The following MPV17L variants were observed in gnomAD, a reference collection of about 807,000 sequenced individuals.
MPV17L encodes MPV17 mitochondrial inner membrane protein like, also known as mpv17-like protein.
MPV17L carries 24 observed loss-of-function variants against 25.8 expected under a neutral mutation model. The ratio of observed to expected loss-of-function variants is 0.93; its 90% CI spans 0.67 to 1.31. The LOEUF is 1.31. MPV17L is among the 50% of genes most tolerant of loss of function. MPV17L has a pLI of 0.00. For synonymous variants in MPV17L, 102 were observed against 115.3 expected, an observed-to-expected ratio of 0.88 and a Z score of 0.74; for missense variants, 250 against 265.6, an observed-to-expected ratio of 0.94 and a Z score of 0.41.
intron 2 of MPV17L, 49 bp downstream of exon 2, chr16:15,400,906 G>A (rs2050628935): frequency 2.1e-5 from 22 of 1,068,446 alleles, no homozygotes; most frequent in South Asian, 2.4e-5. Flanking sequence ...GTGTATATAT[G>A]TATATATATG....
intron 1 of MPV17L, among the ~76,000 whole-genome samples, chr16:15,400,521 G>A (rs1249066534): frequency 6.6e-6 from 1 of 151,416 alleles, no homozygotes; most frequent in Non-Finnish European, 1.5e-5. Context: ...GCTAATTTTT[G>A]TATTTTTTGT....
chr16:15,402,379 T>C (rs1182305460), intron 2 of MPV17L, among the ~76,000 whole-genome samples: 1 of 152,200 alleles, frequency 6.6e-6, no homozygotes, highest in Non-Finnish European at 1.5e-5. Flanking sequence ...GGGCTTCACA[T>C]GTTCTTCCTT....
chr16:15,400,939 GTTTATA>G (rs962628580), intron 2 of MPV17L, 82 bp downstream of exon 2: 17 of 887,840 alleles, frequency 1.9e-5, no homozygotes, highest in African/African-American at 1.1e-4. Flanking sequence ...TATGTTTTGT[GTTTATA>G]TTTATAAAGA....
intron 1 of MPV17L, among the ~76,000 whole-genome samples, chr16:15,397,451 C>T (rs868481211): frequency 1.3e-5 from 2 of 152,128 alleles, no homozygotes; most frequent in African/African-American, 2.4e-5. Context: ...ACAGGCTGAT[C>T]GCTCAAGTTG....
intron 2 of MPV17L, among the ~76,000 whole-genome samples, chr16:15,405,010 G>C (rs2050668968): frequency 6.6e-6 from 1 of 152,076 alleles, no homozygotes. Context: ...GCTGGTTCCT[G>C]TGTCCTGTGC....
At chr16:15,399,464 G>A (rs1316777025) in intron 1 of MPV17L, 1 of 451,400 alleles carries the variant, frequency 2.2e-6, no homozygotes, top group East Asian at 7.0e-5. Flanking sequence ...GAAGTGCAGT[G>A]ATGTGATCAC....
chr16:15,399,479 C>T (rs1283992067), intron 1 of MPV17L: 3 of 446,532 alleles, frequency 6.7e-6, no homozygotes, highest in Non-Finnish European at 8.9e-6. Context: ...GATCACAGCT[C>T]ATTGCAGCCT....
chr16:15,401,093 T>A (rs1254725530), intron 2 of MPV17L, among the ~76,000 whole-genome samples: 70 of 126,308 alleles, frequency 5.5e-4, no homozygotes, highest in South Asian at 4.6e-3. Flanking sequence ...TATATTTTTT[T>A]TTTTTTTTTT....
chr16:15,401,607 G>A (rs1482824624), intron 2 of MPV17L, among the ~76,000 whole-genome samples: 6 of 152,088 alleles, frequency 3.9e-5, no homozygotes, highest in African/African-American at 4.8e-5. Context: ...ATCACTTGAC[G>A]TTAGGAGTTT....
intron 2 of MPV17L, among the ~76,000 whole-genome samples, chr16:15,406,712 G>T (rs939109947): frequency 1.2e-4 from 19 of 152,040 alleles, no homozygotes; most frequent in African/African-American, 4.3e-4. Context: ...AATCACCTGA[G>T]GTCAGGAGTT....
At chr16:15,398,335 A>C (rs143974162) in intron 1 of MPV17L, among the ~76,000 whole-genome samples, 2 of 152,048 alleles carry the variant, frequency 1.3e-5, no homozygotes, top group Non-Finnish European at 2.9e-5. Context: ...GAGCCCTCAC[A>C]CTTGAGATTG....
At position 15,413,091 on chromosome 16, in the gene MPV17L, AAC is replaced by A. The variant is rs1164262291; in HGVS notation, c.*4981_*4982del. ...AATGAATTATATCTAGGATATGCTT[AAC>A]AATATATTCTGGAGGCAGCTTTCAT... On this transcript the variant is annotated 3_prime_UTR_variant, in exon 4 of 4. Coordinates refer to ENST00000396385, the MANE Select transcript of MPV17L (RefSeq NM_001128423.2). The A allele has an allele frequency of 4.6e-5, 7 of 152,326 alleles. 1 individual carries two copies. Among genetic ancestry groups the A allele is most frequent in the Admixed American group, 4.6e-4 (7 of 15,278 alleles). The allele number at this position is 152,326 out of a possible 1,614,324, so 9.4% of individuals were successfully genotyped here.
intron 1 of MPV17L, among the ~76,000 whole-genome samples, chr16:15,399,116 C>G (rs2050612237): frequency 6.6e-6 from 1 of 151,774 alleles, no homozygotes; most frequent in Non-Finnish European, 1.5e-5. Context: ...ATTAACCTCT[C>G]TAAGCTCTTT....
intron 2 of MPV17L, among the ~76,000 whole-genome samples, chr16:15,407,407 A>G (rs1476066373): frequency 2.0e-5 from 3 of 151,840 alleles, no homozygotes; most frequent in African/African-American, 7.3e-5. Context: ...AGTATTTCTT[A>G]CTCTTTTATG....
chr16:15,400,806 A>C lies in MPV17L; in HGVS notation c.330A>C (p.Gly110=). The change falls in exon 2 of 4, where the codon GGA becomes GGC. Residue 110 remains glycine, a synonymous_variant. Transcript: ENST00000396385. ...AAATAGGTATGAGCATTCTCCAAGG[A>C]AAGGATGACATATTTTTGGACCTGA... ...AFYVGMSILQ[G]KDDIFLDLKQ... 6.2e-7 allele frequency: 1 copy of C among 1,604,854 alleles called. No individual in the cohort carries two copies. The highest frequency in any genetic ancestry group is 8.5e-7 in the Non-Finnish European group (1 of 1,175,934).
chr16:15,406,213 C>CATATACGTATATATGTGTAT (rs1023292979), intron 2 of MPV17L, among the ~76,000 whole-genome samples: 1 of 151,570 alleles, frequency 6.6e-6, no homozygotes, highest in Non-Finnish European at 1.5e-5. Context: ...TATACATACA[C>CATATACGTATATATGTGTAT]ATATACGTAT....
In MPV17L at chr16:15,400,869, G is replaced by T; in HGVS notation, c.381+12G>T. ...GGAATACCTATCTGGTAAGATAGGCGTTTGAAAATGTAATCACTATATTTT... is the reference window on the plus strand; with the variant it reads ...GGAATACCTATCTGGTAAGATAGGCTTTTGAAAATGTAATCACTATATTTT... On this transcript the variant is annotated intron_variant, in intron 2 of 3. Transcript: ENST00000396385. The T allele has an allele frequency of 1.3e-6, 2 of 1,556,710 alleles. No individual in the cohort carries two copies. Among genetic ancestry groups the T allele is most frequent in the South Asian group, 1.2e-5 (1 of 84,688 alleles).
At chr16:15,403,304 G>A (rs925821302) in intron 2 of MPV17L, among the ~76,000 whole-genome samples, 7 of 146,710 alleles carry the variant, frequency 4.8e-5, no homozygotes, top group Non-Finnish European at 7.4e-5. Context: ...GGGAGGCAGA[G>A]ACTGTAGTGA....
At chr16:15,402,920 A>G (rs2050650018) in intron 2 of MPV17L, among the ~76,000 whole-genome samples, 1 of 152,136 alleles carries the variant, frequency 6.6e-6, no homozygotes, top group Middle Eastern at 3.4e-3. Flanking sequence ...ACCTCAGGTG[A>G]TCCGCCTCCC....
Sources: allele counts gnomAD v4.1 joint callset (sites outside exome capture counted in the v4.1 genomes callset), GRCh38; gene constraint gnomAD v4.1.1; transcripts MANE v1.5; gene names NCBI Gene and HGNC (gene_info 2026-07-23, HGNC 2026-07-21).